Variants in MMP14 observed in about 807,000 individuals in gnomAD.
MMP14 encodes matrix metallopeptidase 14.
In MMP14, 13 loss-of-function variants were observed where a neutral mutation model predicts 64.8. The observed-to-expected ratio is 0.20, with a 90% confidence interval of 0.13 to 0.32. The LOEUF (loss-of-function observed/expected upper bound fraction) is 0.32. Among genes scored for constraint, MMP14 ranks in the 10% least tolerant of loss-of-function variants. The pLI, the probability that MMP14 is intolerant of heterozygous loss-of-function variation, is 1.00. For synonymous variants in MMP14, 322 were observed against 315.9 expected (o/e 1.02, Z -0.20); for missense variants, 594 against 783.8 (o/e 0.76, Z 2.89).
In MMP14 at chr14:22,836,943, C is replaced by T. The variant is rs1462574304; in HGVS notation, c.108+18C>T. 5 of 1,603,480 alleles carry T rather than the reference C, an allele frequency of 3.1e-6. No individual in the cohort carries two copies. Among genetic ancestry groups the T allele is most frequent in the Non-Finnish European group, 3.4e-6 (4 of 1,172,728 alleles). ...GCCCCGAAGTAAGTGAGCTTCCCGG[C>T]CCTTCCCGGAGTCGCGCCCGCCGGG... On this transcript the variant is annotated intron_variant, in intron 1 of 9. Coordinates refer to ENST00000311852, the MANE Select transcript of MMP14 (RefSeq NM_004995.4).
chr14:22,840,131 T>C (rs1191823745), intron 1 of MMP14, among the ~76,000 whole-genome samples: 1 of 152,108 alleles, frequency 6.6e-6, no homozygotes, highest in East Asian at 1.9e-4. Flanking sequence ...CACGTGCAGC[T>C]AATTTTTGTA....
rs2039783636 is a variant in MMP14, at chr14:22,842,939, T to C, written c.688+222T>C. 6.6e-6 allele frequency among the ~76,000 whole-genome samples: 1 copy of C among 152,142 alleles called. No individual in the cohort carries two copies. Among genetic ancestry groups the C allele is most frequent in the African/African-American group, 2.4e-5 (1 of 41,424 alleles). On this transcript the variant is annotated intron_variant, in intron 4 of 9. Transcript: ENST00000311852. The surrounding 1 kb of genome is among the most constrained non-coding windows in gnomAD (Gnocchi z 5.3). ...GTCAAAGACTTCAAAGCATCCTTATTGCCCACTTTTCCAGACCGATGTCAT... is the reference window on the plus strand; with the variant it reads ...GTCAAAGACTTCAAAGCATCCTTATCGCCCACTTTTCCAGACCGATGTCAT...
Position 22,845,664 on chromosome 14 carries a change from T to C in MMP14, c.1418-44T>C, listed in dbSNP as rs140491352. 550 of 1,592,264 alleles carry C rather than the reference T, an allele frequency of 3.5e-4. 2 individuals are homozygous for C. In the East Asian group the frequency reaches 0.012, roughly 34 times the overall value. The stretch of plus-strand genomic sequence containing the variant: ...CCCTCGCTCCTCTCCTCTCCTCTCT[T>C]TGGGTCTTCCCTTCCTTACCACCTT... On this transcript the variant is annotated intron_variant, in intron 9 of 9. Transcript: ENST00000311852.
Position 22,842,099 on chromosome 14 carries a change from T to C in MMP14, c.380+64T>C. 1.2e-6 allele frequency: 2 copies of C among 1,601,380 alleles called. No homozygotes were observed. Among genetic ancestry groups the C allele is most frequent in the South Asian group, 2.2e-5 (2 of 89,504 alleles). ...TATTATTTCCTACCCATTGTGCTTA[T>C]GCAGGGACTCAGAGACCCCCTGCCC... On this transcript the variant is annotated intron_variant, in intron 3 of 9. Coordinates refer to ENST00000311852, the MANE Select transcript of MMP14 (RefSeq NM_004995.4). The surrounding 1 kb of genome is among the most constrained non-coding windows in gnomAD (Gnocchi z 5.3).
In MMP14 at chr14:22,843,614, T is replaced by G. The variant is rs2138742326; in HGVS notation, c.851-96T>G. 6.9e-7 allele frequency: 1 copy of G among 1,458,382 alleles called. No individual in the cohort carries two copies. The highest frequency in any genetic ancestry group is 9.3e-7 in the Non-Finnish European group (1 of 1,076,550). The allele number at this position is 1,458,382 out of a possible 1,614,324, so 90.3% of individuals were successfully genotyped here. ...TGCTTCAGCCTCCCCTAGAAGCCCATCCACACCTTTCCAAGGGTATTGTCT... is the reference window on the plus strand; with the variant it reads ...TGCTTCAGCCTCCCCTAGAAGCCCAGCCACACCTTTCCAAGGGTATTGTCT... On this transcript the variant is annotated intron_variant, in intron 5 of 9. Coordinates refer to ENST00000311852, the MANE Select transcript of MMP14 (RefSeq NM_004995.4). This position sits in a 1 kb window ranked among gnomAD's most constrained non-coding sequence, Gnocchi z 4.8.
rs1382189587 is a variant in MMP14, at chr14:22,844,763, C to T, written c.1284C>T (p.Tyr428=). The change falls in exon 8 of 10, where the codon TAC becomes TAT. Residue 428 remains tyrosine (Y), a synonymous_variant. Coordinates refer to ENST00000311852, the MANE Select transcript of MMP14 (RefSeq NM_004995.4). The stretch of plus-strand genomic sequence containing the variant: ...TCTGGATGCCCAATGGAAAGACCTA[C>T]TTCTTCCGTGGAAACAAGTAAGACC... The part of the protein sequence containing the change: ...ALFWMPNGKT[Y]FFRGNKYYRF... 5.6e-6 allele frequency: 9 copies of T among 1,614,134 alleles called. No individual in the cohort carries two copies. Among genetic ancestry groups the T allele is most frequent in the Non-Finnish European group, 7.6e-6 (9 of 1,180,022 alleles).
Position 22,842,405 on chromosome 14 carries a change from C to A in MMP14, c.381-5C>A. 2 of 1,606,484 alleles carry A rather than the reference C, an allele frequency of 1.2e-6. No individual in the cohort carries two copies. Among genetic ancestry groups the A allele is most frequent in the Non-Finnish European group, 1.7e-6 (2 of 1,175,366 alleles). Reference sequence around the variant, plus strand: ...CCATCCTCTCCCCACGTGGCTGGACCTCAGCATCCAGAATTACACCCCCAA... The same window carrying A: ...CCATCCTCTCCCCACGTGGCTGGACATCAGCATCCAGAATTACACCCCCAA... On this transcript the variant is annotated splice_polypyrimidine_tract_variant and splice_region_variant and intron_variant, in intron 3 of 9. Coordinates refer to ENST00000311852, the MANE Select transcript of MMP14 (RefSeq NM_004995.4). This position sits in a 1 kb window ranked among gnomAD's most constrained non-coding sequence, Gnocchi z 5.3.
rs771727412 is a variant in MMP14, at chr14:22,844,429, T to C, written c.1070T>C (p.Ile357Thr). 14 of 1,614,108 alleles carry C rather than the reference T, an allele frequency of 8.7e-6. No homozygotes were observed. In the South Asian group the frequency reaches 8.8e-5, roughly 10 times the overall value. The change falls in exon 7 of 10, where the codon ATT becomes ACT. Residue 357 changes from isoleucine (I) to threonine (T), a missense_variant. This residue lies in a region of MMP14 where 364 missense variants were observed against 425.2 expected (regional missense o/e 0.86). Transcript: ENST00000311852. ...GTGATGGATGGATACCCAATGCCCA[T>C]TGGCCAGTTCTGGCGGGGCCTGCCT... is the stretch of plus-strand genomic sequence containing the variant. ...NQVMDGYPMPIGQFWRGLPAS... is the reference protein window; with the variant it reads ...NQVMDGYPMPTGQFWRGLPAS...
chr14:22,845,718 C>T lies in MMP14; in HGVS notation c.1428C>T (p.Tyr476=), dbSNP rs2039807526. 6 of 1,613,890 alleles carry T rather than the reference C, an allele frequency of 3.7e-6. No homozygotes were observed. The highest frequency in any genetic ancestry group is 1.3e-5 in the African/African-American group (1 of 74,912). ...ATTCACTCCCTGCAGTCTTCACTTA[C>T]TTCTACAAGGGGAACAAATACTGGA... The part of the protein sequence containing the change: ...SFMGSDEVFT[Y]FYKGNKYWKF... Residue 476 remains tyrosine (Y), a synonymous_variant, in exon 10 of 10, where the codon TAC becomes TAT. Transcript: ENST00000311852.
intron 1 of MMP14, chr14:22,837,205 G>A: frequency 1.6e-6 from 1 of 618,238 alleles, no homozygotes; most frequent in East Asian, 3.4e-5. Flanking sequence ...TTACAACTGG[G>A]GCGAACTCCC....
intron 8 of MMP14, 68 bp downstream of exon 8, chr14:22,844,848 C>G: frequency 6.3e-7 from 1 of 1,596,430 alleles, no homozygotes; most frequent in Non-Finnish European, 8.6e-7. Context: ...TCCCTCAGTT[C>G]TGGAGAAAGA....
At chr14:22,841,307 G>A (rs981841877) in intron 1 of MMP14, among the ~76,000 whole-genome samples, 184 bp from the exon 2 acceptor site, 7 of 152,224 alleles carry the variant, frequency 4.6e-5, no homozygotes, top group Non-Finnish European at 8.8e-5. Context: ...CTATAGCCCC[G>A]AGGGGCCTGG....
rs779602753 is a variant in MMP14 at position 22,845,322 on chromosome 14, G to A, written c.1373G>A (p.Gly458Glu). 5 of 1,613,236 alleles carry A rather than the reference G, an allele frequency of 3.1e-6. No individual in the cohort carries two copies. Among genetic ancestry groups the A allele is most frequent in the Non-Finnish European group, 4.2e-6 (5 of 1,179,618 alleles). The change falls in exon 9 of 10, where the codon GGG (glycine) becomes GAG (glutamate). Residue 458 changes from glycine to glutamate, a missense_variant. Around this residue, in one of 4 missense-constraint regions of MMP14, gnomAD observed 364 missense variants for 425.2 expected, o/e 0.86. Transcript: ENST00000311852. ...CCCAAGAACATCAAAGTCTGGGAAGGGATCCCTGAGTCTCCCAGAGGGTCA... is the reference window on the plus strand; with the variant it reads ...CCCAAGAACATCAAAGTCTGGGAAGAGATCCCTGAGTCTCCCAGAGGGTCA... ...EYPKNIKVWEGIPESPRGSFM... is the reference protein window; with the variant it reads ...EYPKNIKVWEEIPESPRGSFM...
chr14:22,837,380 A>G (rs1026260320), intron 1 of MMP14: 1 of 455,546 alleles, frequency 2.2e-6, no homozygotes. Context: ...GCGCCCTCCG[A>G]TGGGCGCTTC....
intron 1 of MMP14, among the ~76,000 whole-genome samples, chr14:22,840,868 G>T (rs1382729283): frequency 6.6e-6 from 1 of 152,200 alleles, no homozygotes; most frequent in Non-Finnish European, 1.5e-5. Context: ...ATGCTGCTTG[G>T]ATAAGGACAG....
Position 22,836,648 on chromosome 14 carries a change from C to G in MMP14, c.-170C>G, listed in dbSNP as rs919041618. On this transcript the variant is annotated 5_prime_UTR_variant, in exon 1 of 10. Transcript: ENST00000311852. ...AACCGGAAAAGAGGAGAAGAGCAAA[C>G]AGGCACTTTGAGGAACAATCCCCTT... The G allele has an allele frequency of 3.9e-6, 2 of 511,672 alleles. No individual in the cohort carries two copies. The highest frequency in any genetic ancestry group is 6.9e-6 in the Non-Finnish European group (2 of 291,148). The allele number at this position is 511,672 out of a possible 1,614,324, so 31.7% of individuals were successfully genotyped here.
At chr14:22,840,097 G>A (rs1484280907) in intron 1 of MMP14, among the ~76,000 whole-genome samples, 1 of 150,862 alleles carries the variant, frequency 6.6e-6, no homozygotes, top group African/African-American at 2.4e-5. Context: ...TTCCTGAGTA[G>A]CTGGGATTAC....
intron 2 of MMP14, 89 bp from the exon 3 acceptor site, chr14:22,841,824 A>G (rs1371156906): frequency 4.1e-6 from 6 of 1,479,108 alleles, no homozygotes; most frequent in Non-Finnish European, 4.5e-6. Context: ...ACATTGACAC[A>G]CAGCAAGTCT....
At position 22,836,859 on chromosome 14, in the gene MMP14, C is replaced by T; in HGVS notation, c.42C>T (p.Pro14=). 1 of 1,613,746 alleles carries T rather than the reference C, an allele frequency of 6.2e-7. No individual in the cohort carries two copies. Among genetic ancestry groups the T allele is most frequent in the Non-Finnish European group, 8.5e-7 (1 of 1,179,794 alleles). ...APRPPRCLLL[P]LLTLGTALAS... ...GACCCCCCCGTTGTCTCCTGCTCCCCCTGCTCACGCTCGGCACCGCGCTCG... is the reference window on the plus strand; with the variant it reads ...GACCCCCCCGTTGTCTCCTGCTCCCTCTGCTCACGCTCGGCACCGCGCTCG... The change falls in exon 1 of 10, where the codon CCC becomes CCT. Residue 14 remains proline (P), a synonymous_variant. Transcript: ENST00000311852.
Sources: allele counts gnomAD v4.1 joint callset (sites outside exome capture counted in the v4.1 genomes callset), GRCh38; gene constraint gnomAD v4.1.1; regional missense constraint gnomAD v4.1.1; non-coding constraint Gnocchi (gnomAD v3.1); transcripts MANE v1.5; gene names NCBI Gene and HGNC (gene_info 2026-07-23, HGNC 2026-07-21).